The following OSBPL3 variants were observed in gnomAD, a reference collection of about 807,000 sequenced individuals.
OSBPL3 encodes the protein oxysterol-binding protein-related protein 3.
A neutral mutation model predicts 120.1 loss-of-function variants in OSBPL3; 65 were observed. That is an observed-to-expected ratio of 0.54 (90% CI 0.44 to 0.67). The LOEUF (loss-of-function observed/expected upper bound fraction) is 0.67, where lower values mean the gene tolerates loss of function less well. OSBPL3 is among the 30% of genes least tolerant of loss of function. The probability of loss-of-function intolerance (pLI) is 0.00; values close to 1 mark genes in which losing one functional copy is unlikely to be tolerated. For synonymous variants in OSBPL3, 416 were observed against 402.6 expected (o/e 1.03, Z -0.40); for missense variants, 1,004 against 1,082.1 (o/e 0.93, Z 1.01).
chr7:24,856,531 T>C (rs1166011274), intron 10 of OSBPL3, among the ~76,000 whole-genome samples: 1 of 152,182 alleles, frequency 6.6e-6, no homozygotes, highest in East Asian at 1.9e-4. Context: ...GAAAGCAATG[T>C]GGTACAGGAG....
Position 24,849,248 on chromosome 7 carries a change from C to A in OSBPL3, c.1159-72G>T, listed in dbSNP as rs1287460138. The stretch of plus-strand genomic sequence containing the variant: ...CAGAAAAGCACAGCAGTGGGCCCTG[C>A]AGGAGCGATCTCTAAGAGCTTGATG... On this transcript the variant is annotated intron_variant, in intron 11 of 22. Coordinates refer to ENST00000313367, the MANE Select transcript of OSBPL3 (RefSeq NM_015550.4). The surrounding 1 kb of genome is among the most constrained non-coding windows in gnomAD (Gnocchi z 5.4). 8.2e-6 allele frequency: 9 copies of A among 1,093,584 alleles called. No homozygotes were observed. Among genetic ancestry groups the A allele is most frequent in the Non-Finnish European group, 1.2e-5 (9 of 727,802 alleles). 67.7% of individuals were successfully genotyped at this position (1,093,584 alleles called of 1,614,324 possible).
chr7:24,848,197 T>G (rs1436674016), intron 12 of OSBPL3, among the ~76,000 whole-genome samples: 1 of 152,236 alleles, frequency 6.6e-6, no homozygotes, highest in African/African-American at 2.4e-5. Flanking sequence ...GTGAGGGGTT[T>G]GTTTTCTCTG....
At chr7:24,931,861 A>T (rs1811836496) in intron 1 of OSBPL3, among the ~76,000 whole-genome samples, 1 of 152,228 alleles carries the variant, frequency 6.6e-6, no homozygotes, top group African/African-American at 2.4e-5. Context: ...CAAGACTGAT[A>T]CTGTCTCAAA....
intron 14 of OSBPL3, among the ~76,000 whole-genome samples, chr7:24,836,177 T>TA (rs1266706667): frequency 6.6e-6 from 1 of 152,228 alleles, no homozygotes; most frequent in African/African-American, 2.4e-5. Flanking sequence ...TGAATGTTGT[T>TA]AGACTTCTGA....
At chr7:24,836,241 C>T (rs908455845) in intron 14 of OSBPL3, among the ~76,000 whole-genome samples, 3 of 152,212 alleles carry the variant, frequency 2.0e-5, no homozygotes, top group African/African-American at 7.2e-5. Context: ...CCCCATTTAT[C>T]GGCAGCAGAT....
chr7:24,886,361 T>C (rs1243520996), intron 2 of OSBPL3, among the ~76,000 whole-genome samples: 2 of 152,214 alleles, frequency 1.3e-5, no homozygotes, highest in African/African-American at 4.8e-5. Flanking sequence ...AGTAGTTCCT[T>C]CACAGACCAC....
rs115139346 is a variant in OSBPL3, at chr7:24,952,422, G to A, written c.-150+27464C>T. Among the ~76,000 whole-genome samples the A allele has an allele frequency of 4.0e-3, 607 of 152,256 alleles. 2 individuals are homozygous for A. The highest frequency in any genetic ancestry group is 0.013 in the African/African-American group (545 of 41,534). ...CTCCTGACATTCAATACAATGCCCT[G>A]TAGCAAACCGAAACCTCAGAAACCT... On this transcript the variant is annotated intron_variant, in intron 1 of 22. Transcript: ENST00000313367. This position sits in a 1 kb window ranked among gnomAD's most constrained non-coding sequence, Gnocchi z 4.4.
chr7:24,848,890 A>G (rs1030955003), intron 12 of OSBPL3, among the ~76,000 whole-genome samples, 179 bp downstream of exon 12: 1 of 152,224 alleles, frequency 6.6e-6, no homozygotes, highest in Non-Finnish European at 1.5e-5. Context: ...TACGCTCAAG[A>G]AAGCGTTTGA....
chr7:24,830,425 T>C lies in OSBPL3; in HGVS notation c.1884+343A>G, dbSNP rs148854835. Among the ~76,000 whole-genome samples the C allele has an allele frequency of 1.3e-3, 196 of 152,326 alleles. No homozygotes were observed. The highest frequency in any genetic ancestry group is 4.3e-3 in the African/African-American group (180 of 41,570). On this transcript the variant is annotated intron_variant, in intron 16 of 22. Transcript: ENST00000313367. This position sits in a 1 kb window ranked among gnomAD's most constrained non-coding sequence, Gnocchi z 4.4. ...TGGGGGCATTCATGCTCTGGAATAA[T>C]GATGTCAGTGTGTTAGGGAGCAATG...
chr7:24,834,034 A>G lies in OSBPL3; in HGVS notation c.1746+452T>C. On this transcript the variant is annotated intron_variant, in intron 15 of 22. Coordinates refer to ENST00000313367, the MANE Select transcript of OSBPL3 (RefSeq NM_015550.4). This position sits in a 1 kb window ranked among gnomAD's most constrained non-coding sequence, Gnocchi z 5.2. ...GAACTTTATTTTCCAAAAACCTAGGAGCTGATGGGACAATTCCAGAAATAA... is the reference window on the plus strand; with the variant it reads ...GAACTTTATTTTCCAAAAACCTAGGGGCTGATGGGACAATTCCAGAAATAA... The G allele has an allele frequency of 4.5e-6, 4 of 891,756 alleles. No individual in the cohort carries two copies. The highest frequency in any genetic ancestry group is 5.4e-6 in the Non-Finnish European group (4 of 744,024). The allele number at this position is 891,756 out of a possible 1,614,324, so 55.2% of individuals were successfully genotyped here. A position where few individuals can be genotyped will look rare whatever the true frequency, so the allele number is the denominator to read the frequency against.
rs541820525 is a variant in OSBPL3 at position 24,933,568 on chromosome 7, A to G, written c.-149-40947T>C. Among the ~76,000 whole-genome samples, 2 of 152,306 alleles carry G rather than the reference A, an allele frequency of 1.3e-5. No homozygotes were observed. The highest frequency in any genetic ancestry group is 2.4e-5 in the African/African-American group (1 of 41,564). On this transcript the variant is annotated intron_variant, in intron 1 of 22. Transcript: ENST00000313367. This position sits in a 1 kb window ranked among gnomAD's most constrained non-coding sequence, Gnocchi z 5.1. ...AAACAAGATTCACCCTACCATGCAAAACACTTAAATCATTAATATTTCCGA... is the reference window on the plus strand; with the variant it reads ...AAACAAGATTCACCCTACCATGCAAGACACTTAAATCATTAATATTTCCGA...
Position 24,938,098 on chromosome 7 carries a change from A to G in OSBPL3, c.-150+41788T>C, listed in dbSNP as rs1400215005. On this transcript the variant is annotated intron_variant, in intron 1 of 22. Coordinates refer to ENST00000313367, the MANE Select transcript of OSBPL3 (RefSeq NM_015550.4). The surrounding 1 kb of genome is among the most constrained non-coding windows in gnomAD (Gnocchi z 5.8). ...AAGGGCTTATTTGCTATGGGCTGAAAGTTTCTGTCCCGCCAAAACTGGTAT... is the reference window on the plus strand; with the variant it reads ...AAGGGCTTATTTGCTATGGGCTGAAGGTTTCTGTCCCGCCAAAACTGGTAT... Among the ~76,000 whole-genome samples the G allele has an allele frequency of 1.3e-5, 2 of 152,224 alleles. No individual in the cohort carries two copies. The highest frequency in any genetic ancestry group is 4.8e-5 in the African/African-American group (2 of 41,456).
rs1794812365 is a variant in OSBPL3, at chr7:24,819,130, G to A, written c.1948+1045C>T. ...TAGCTGGGCATAGTGGCGCATGCCT[G>A]TAGTCCCAGCTACTCGGGAGGCTGA... On this transcript the variant is annotated intron_variant, in intron 17 of 22. Coordinates refer to ENST00000313367, the MANE Select transcript of OSBPL3 (RefSeq NM_015550.4). This position sits in a 1 kb window ranked among gnomAD's most constrained non-coding sequence, Gnocchi z 4.1. Among the ~76,000 whole-genome samples the A allele has an allele frequency of 6.6e-6, 1 of 151,926 alleles. No individual in the cohort carries two copies. The highest frequency in any genetic ancestry group is 2.4e-5 in the African/African-American group (1 of 41,332).
chr7:24,839,096 C>T (rs936436573), intron 14 of OSBPL3, among the ~76,000 whole-genome samples: 6 of 152,148 alleles, frequency 3.9e-5, no homozygotes, highest in African/African-American at 7.2e-5. Context: ...ACAATTCATC[C>T]GTTCACACAT....
At position 24,883,239 on chromosome 7, in the gene OSBPL3, C is replaced by T. The variant is rs768037701; in HGVS notation, c.96+9138G>A. Among the ~76,000 whole-genome samples, 24 of 152,126 alleles carry T rather than the reference C, an allele frequency of 1.6e-4. No homozygotes were observed. Among genetic ancestry groups the T allele is most frequent in the Non-Finnish European group, 3.5e-4 (24 of 68,032 alleles). Reference sequence around the variant, plus strand: ...TGAACAGATGCAGTGGAAAACACAGCTGAACTTGACGGTAGGGCCAGGGTG... The same window carrying T: ...TGAACAGATGCAGTGGAAAACACAGTTGAACTTGACGGTAGGGCCAGGGTG... On this transcript the variant is annotated intron_variant, in intron 2 of 22. Transcript: ENST00000313367. This position sits in a 1 kb window ranked among gnomAD's most constrained non-coding sequence, Gnocchi z 5.4.
At position 24,938,779 on chromosome 7, in the gene OSBPL3, A is replaced by G. The variant is rs963486731; in HGVS notation, c.-150+41107T>C. 1.1e-5 allele frequency among the ~76,000 whole-genome samples: 1 copy of G among 94,234 alleles called. No homozygotes were observed. The highest frequency in any genetic ancestry group is 4.1e-5 in the African/African-American group (1 of 24,470). The allele number at this position is 94,234 out of a possible 152,430, so 61.8% of individuals were successfully genotyped here. A position where few individuals can be genotyped will look rare whatever the true frequency, so the allele number is the denominator to read the frequency against. On this transcript the variant is annotated intron_variant, in intron 1 of 22. Transcript: ENST00000313367. The surrounding 1 kb of genome is among the most constrained non-coding windows in gnomAD (Gnocchi z 5.8). ...AACTGAATAATGAGGTTTTGTTTTG[A>G]TGTGTGTGTGTGTGTGTGTGTGTGT...
At chr7:24,843,151 A>G (rs1368083659) in intron 12 of OSBPL3, among the ~76,000 whole-genome samples, 2 of 152,118 alleles carry the variant, frequency 1.3e-5, no homozygotes, top group African/African-American at 4.8e-5. Context: ...TGAGCTGGCC[A>G]TGGCAGGATA....
intron 1 of OSBPL3, among the ~76,000 whole-genome samples, chr7:24,945,576 T>C (rs759177257): frequency 2.0e-5 from 3 of 152,198 alleles, no homozygotes; most frequent in African/African-American, 4.8e-5. Context: ...TGATTCCAAA[T>C]GTGGTTGAAC....
Position 24,947,809 on chromosome 7 carries a change from C to G in OSBPL3, c.-150+32077G>C, listed in dbSNP as rs1358017153. ...ACACACACACACACACACACACACA[C>G]TCATTGCATACTACCCATGTGCCAG... On this transcript the variant is annotated intron_variant, in intron 1 of 22. Transcript: ENST00000313367. The surrounding 1 kb of genome is among the most constrained non-coding windows in gnomAD (Gnocchi z 4.4). Among the ~76,000 whole-genome samples, 1 of 148,784 alleles carries G rather than the reference C, an allele frequency of 6.7e-6. No homozygotes were observed. Among genetic ancestry groups the G allele is most frequent in the Non-Finnish European group, 1.5e-5 (1 of 66,872 alleles).
Sources: gnomAD v4.1 joint callset for allele counts (sites outside exome capture counted in the v4.1 genomes callset) on GRCh38, gnomAD v4.1.1 for gene constraint, Gnocchi (gnomAD v3.1) non-coding constraint, MANE v1.5 for transcripts, NCBI Gene and HGNC (gene_info 2026-07-23, HGNC 2026-07-21) for gene names.